TENM3: variants seen among roughly 807,000 people sequenced by gnomAD.
The protein encoded by TENM3 is teneurin transmembrane protein 3, also known as teneurin-3.
A neutral mutation model predicts 255.1 loss-of-function variants in TENM3; 63 were observed. The ratio of observed to expected loss-of-function variants is 0.25; its 90% CI spans 0.20 to 0.30. The LOEUF (loss-of-function observed/expected upper bound fraction) is 0.30, where lower values mean the gene tolerates loss of function less well. Among genes scored for constraint, TENM3 ranks in the 10% least tolerant of loss-of-function variants. The pLI, the probability that TENM3 is intolerant of heterozygous loss-of-function variation, is 1.00. For synonymous variants in TENM3, 1,306 were observed against 1,322.3 expected, an observed-to-expected ratio of 0.99 and a Z score of 0.27; for missense variants, 2,929 against 3,461.1, an observed-to-expected ratio of 0.85 and a Z score of 3.86.
intron 1 of TENM3, among the ~76,000 whole-genome samples, chr4:182,249,836 C>T (rs1193608218): frequency 6.6e-6 from 1 of 151,914 alleles, no homozygotes; most frequent in East Asian, 1.9e-4. Flanking sequence ...TCAGTCATAG[C>T]TGATTGTAGC....
chr4:182,248,591 T>C (rs1032053755), intron 1 of TENM3, among the ~76,000 whole-genome samples: 1 of 152,214 alleles, frequency 6.6e-6, no homozygotes, highest in Non-Finnish European at 1.5e-5. Flanking sequence ...CTTGCGTATA[T>C]GAAGCTTTGA....
intron 3 of TENM3, among the ~76,000 whole-genome samples, chr4:182,513,680 C>T (rs1399275): frequency 0.55 from 83,852 of 151,994 alleles, 23,534 homozygotes; most frequent in East Asian, 0.66. Flanking sequence ...TTATTTCCTG[C>T]GTTTTGTTGC....
the TENM3 span, among the ~76,000 whole-genome samples, chr4:181,767,058 C>G: frequency 5.8e-4 from 79 of 135,208 alleles, no homozygotes; most frequent in African/African-American, 2.0e-3. Flanking sequence ...CAAGACCATT[C>G]TGGCTAACAA....
intron 3 of TENM3, among the ~76,000 whole-genome samples, chr4:182,451,053 G>C (rs1561460741): frequency 6.6e-6 from 1 of 152,154 alleles, no homozygotes; most frequent in Non-Finnish European, 1.5e-5. Context: ...CGGTAGCCCT[G>C]CATTTTACCT....
the TENM3 span, among the ~76,000 whole-genome samples, chr4:181,927,218 CATGGAACCCAGCGGATCCCACCCTCA>C: frequency 6.6e-6 from 1 of 152,226 alleles, no homozygotes; most frequent in East Asian, 1.9e-4. Flanking sequence ...GTCTACCATC[CATGGAACCCAGCGGATCCCACCCTCA>C]CGGAACCCAG....
chr4:182,160,140 C>T (rs902691332), intron 1 of TENM3, among the ~76,000 whole-genome samples: 1 of 149,818 alleles, frequency 6.7e-6, no homozygotes, highest in Non-Finnish European at 1.5e-5. Context: ...GTAGCTGGGA[C>T]TACAGGCGCC....
At chr4:181,538,314 CACTT>C in the TENM3 span, among the ~76,000 whole-genome samples, 1 of 152,154 alleles carries the variant, frequency 6.6e-6, no homozygotes, top group Admixed American at 6.5e-5. Flanking sequence ...TTCTTTTACT[CACTT>C]ATTCATTTAT....
rs543269368 is a variant in TENM3, at chr4:182,353,824, G to T, written c.511+6895G>T. Among the ~76,000 whole-genome samples, 11 of 152,188 alleles carry T rather than the reference G, an allele frequency of 7.2e-5. No homozygotes were observed. The South Asian group carries it at 2.3e-3, about 32-fold the overall frequency. ...CTACTAAAAATACAAAAATTAGCTG[G>T]GCATGGTGGCAGATGCCTGTAATCC... On this transcript the variant is annotated intron_variant, in intron 3 of 27. Coordinates refer to ENST00000511685, the MANE Select transcript of TENM3 (RefSeq NM_001080477.4).
intron 1 of TENM3, among the ~76,000 whole-genome samples, chr4:182,300,568 G>C (rs187820747): frequency 6.6e-6 from 1 of 152,222 alleles, no homozygotes; most frequent in Non-Finnish European, 1.5e-5. Flanking sequence ...TGGCCTTAGG[G>C]ATGGGAGGTA....
chr4:181,793,157 T>C, the TENM3 span, among the ~76,000 whole-genome samples: 2 of 152,206 alleles, frequency 1.3e-5, no homozygotes, highest in African/African-American at 2.4e-5. Context: ...GTGAGACTTC[T>C]GTAAACTGCG....
intron 4 of TENM3, among the ~76,000 whole-genome samples, chr4:182,623,340 G>C (rs968400372): frequency 2.0e-4 from 29 of 147,622 alleles, no homozygotes; most frequent in Admixed American, 1.6e-3. Flanking sequence ...GTCTTACTCT[G>C]TCACCAGGCT....
chr4:182,300,689 C>A (rs1761799976), intron 1 of TENM3, among the ~76,000 whole-genome samples: 1 of 152,200 alleles, frequency 6.6e-6, no homozygotes, highest in Admixed American at 6.5e-5. Flanking sequence ...AATTCTCTAG[C>A]TCGTTTGGCA....
At chr4:182,434,520 G>A (rs982560763) in intron 3 of TENM3, among the ~76,000 whole-genome samples, 5 of 151,838 alleles carry the variant, frequency 3.3e-5, no homozygotes, top group African/African-American at 1.2e-4. Flanking sequence ...AAAATTAGCC[G>A]AGCGTGATGG....
At chr4:181,460,115 A>T in the TENM3 span, among the ~76,000 whole-genome samples, 1 of 151,928 alleles carries the variant, frequency 6.6e-6, no homozygotes, top group Admixed American at 6.6e-5. Flanking sequence ...CCATTATTAT[A>T]TTGTCACAAA....
the TENM3 span, among the ~76,000 whole-genome samples, chr4:181,683,614 G>T: frequency 6.6e-6 from 1 of 152,170 alleles, no homozygotes; most frequent in Non-Finnish European, 1.5e-5. Context: ...AATAAAAGCA[G>T]ATGAAGCGAC....
chr4:182,268,431 C>G (rs981095018), intron 1 of TENM3, among the ~76,000 whole-genome samples: 1 of 152,064 alleles, frequency 6.6e-6, no homozygotes, highest in African/African-American at 2.4e-5. Flanking sequence ...CTCTGCAACC[C>G]TTAAAATGAA....
the TENM3 span, among the ~76,000 whole-genome samples, chr4:181,618,724 G>T: frequency 9.2e-5 from 14 of 152,240 alleles, no homozygotes; most frequent in South Asian, 1.7e-3. Context: ...CAGACTAGTG[G>T]GTGTGTGGCT....
chr4:181,549,542 C>T, the TENM3 span, among the ~76,000 whole-genome samples: 2 of 152,186 alleles, frequency 1.3e-5, no homozygotes, highest in African/African-American at 4.8e-5. Flanking sequence ...GGCATGTATG[C>T]ATATGAATGT....
the TENM3 span, among the ~76,000 whole-genome samples, chr4:181,800,842 T>C: frequency 6.6e-6 from 1 of 152,216 alleles, no homozygotes; most frequent in Admixed American, 6.5e-5. Flanking sequence ...TTACTAACTG[T>C]AACCTGTTAT....
Sources: allele counts gnomAD v4.1 joint callset (sites outside exome capture counted in the v4.1 genomes callset), GRCh38; gene constraint gnomAD v4.1.1; transcripts MANE v1.5; gene names NCBI Gene and HGNC (gene_info 2026-07-23, HGNC 2026-07-21).